Variants in SGCE observed in about 807,000 individuals in gnomAD.
The protein encoded by SGCE is sarcoglycan epsilon, also known as epsilon-sarcoglycan.
A neutral mutation model predicts 57.8 loss-of-function variants in SGCE; 26 were observed. The ratio of observed to expected loss-of-function variants is 0.45; its 90% CI spans 0.33 to 0.62. SGCE has a LOEUF of 0.62. Ranked by LOEUF, SGCE falls within the 20% of genes least tolerant of loss-of-function variation. The probability of loss-of-function intolerance (pLI) is 0.02; values close to 1 mark genes in which losing one functional copy is unlikely to be tolerated. For missense variants in SGCE, 468 were observed against 548.6 expected, an observed-to-expected ratio of 0.85 and a Z score of 1.47; for synonymous variants, 183 against 189.5, an observed-to-expected ratio of 0.97 and a Z score of 0.28.
At chr7:94,653,908 C>T (rs1411735453) in intron 1 of SGCE, among the ~76,000 whole-genome samples, 1 of 151,794 alleles carries the variant, frequency 6.6e-6, no homozygotes, top group Non-Finnish European at 1.5e-5. Flanking sequence ...GAAAGCTCTC[C>T]AAACTTAATG....
At chr7:94,643,144 C>T (rs1316822208) in intron 1 of SGCE, among the ~76,000 whole-genome samples, 1 of 152,158 alleles carries the variant, frequency 6.6e-6, no homozygotes. Context: ...GTTTTATATA[C>T]AAAATTACAC....
chr7:94,647,359 C>T (rs1203027633), intron 1 of SGCE, among the ~76,000 whole-genome samples: 2 of 152,034 alleles, frequency 1.3e-5, no homozygotes, highest in African/African-American at 2.4e-5. Flanking sequence ...TTGGTTTTTA[C>T]CCCCTAAAAT....
At chr7:94,597,994 C>T (rs1350369250) in intron 9 of SGCE, 1 of 163,538 alleles carries the variant, frequency 6.1e-6, no homozygotes, top group South Asian at 1.7e-4. Flanking sequence ...GCAACAGGAG[C>T]GAAACTCCAT....
intron 1 of SGCE, among the ~76,000 whole-genome samples, chr7:94,638,410 AGAGATGTAT>A (rs1252278631): frequency 1.3e-5 from 2 of 152,228 alleles, no homozygotes; most frequent in African/African-American, 4.8e-5. Context: ...GCCCAACTTC[AGAGATGTAT>A]GAAGAAAATG....
chr7:94,597,864 G>A (rs2116660779), intron 9 of SGCE: 1 of 152,356 alleles, frequency 6.6e-6, no homozygotes, highest in African/African-American at 2.4e-5. Flanking sequence ...AAAATTAGCT[G>A]GGCATGGGGG....
At chr7:94,613,437 A>T (rs1304459078) in intron 5 of SGCE, among the ~76,000 whole-genome samples, 1 of 152,208 alleles carries the variant, frequency 6.6e-6, no homozygotes, top group Non-Finnish European at 1.5e-5. Context: ...TCAAATGTGT[A>T]TAAACAGATG....
At chr7:94,617,690 G>C (rs1192356076) in intron 5 of SGCE, 5 of 152,190 alleles carry the variant, frequency 3.3e-5, no homozygotes, top group Admixed American at 3.3e-4. Flanking sequence ...ATGTATGCTT[G>C]ACTGATTTCA....
chr7:94,655,957 C>T (rs1263982486), intron 1 of SGCE, 33 bp downstream of exon 1: 3 of 1,420,058 alleles, frequency 2.1e-6, no homozygotes, highest in Non-Finnish European at 3.0e-6. Context: ...CCTGTTGGCC[C>T]CGGGACCTCC....
intron 4 of SGCE, chr7:94,621,221 A>G (rs546114896): frequency 3.5e-4 from 54 of 152,350 alleles, no homozygotes; most frequent in African/African-American, 1.3e-3. Context: ...CCTACTGCAC[A>G]TATACATTTC....
At chr7:94,594,900 G>A (rs1036473978) in intron 9 of SGCE, among the ~76,000 whole-genome samples, 1 of 152,064 alleles carries the variant, frequency 6.6e-6, no homozygotes, top group Admixed American at 6.6e-5. Flanking sequence ...AGTACAAAAT[G>A]AAACACCTCA....
chr7:94,623,982 A>T, intron 3 of SGCE: 1 of 386,188 alleles, frequency 2.6e-6, no homozygotes, highest in Non-Finnish European at 4.6e-6. Context: ...CAATCCCTTC[A>T]TACGGGCAAA....
At chr7:94,588,306 C>T (rs1323091112) in intron 10 of SGCE, 5 of 1,068,898 alleles carry the variant, frequency 4.7e-6, no homozygotes, top group South Asian at 3.2e-5. Context: ...CAATGGTTTC[C>T]TTTTGTAAGA....
chr7:94,631,818 C>T (rs890358175), intron 1 of SGCE, among the ~76,000 whole-genome samples: 4 of 151,920 alleles, frequency 2.6e-5, no homozygotes, highest in African/African-American at 4.8e-5. Flanking sequence ...AGGATCACAA[C>T]CCTACATCCA....
At chr7:94,651,401 A>G (rs1334783723) in intron 1 of SGCE, among the ~76,000 whole-genome samples, 1 of 152,172 alleles carries the variant, frequency 6.6e-6, no homozygotes, top group East Asian at 1.9e-4. Flanking sequence ...AAGGCTTATG[A>G]TCCTTAACCA....
At chr7:94,639,636 G>A (rs28507629) in intron 1 of SGCE, among the ~76,000 whole-genome samples, 12,572 of 152,096 alleles carry the variant, frequency 0.083, 583 homozygotes, top group East Asian at 0.17. Flanking sequence ...AGACAACCAA[G>A]GCATAGTTCC....
rs943586002 is a variant in SGCE at position 94,602,586 on chromosome 7, G to GA, written c.825+703dup. 9.9e-4 allele frequency among the ~76,000 whole-genome samples: 139 copies of GA among 140,778 alleles called. 1 individual carries two copies. In the Middle Eastern group the frequency reaches 0.015, roughly 15 times the overall value. The allele number at this position is 140,778 out of a possible 152,430, so 92.4% of individuals were successfully genotyped here. A position where few individuals can be genotyped will look rare whatever the true frequency, so the allele number is the denominator to read the frequency against. The stretch of plus-strand genomic sequence containing the variant: ...TCAGTTGGATACATTAATATGAAAA[G>GA]AAAAAAAAAACAAAGAATTGAAACA... On this transcript the variant is annotated intron_variant, in intron 6 of 10. Coordinates refer to ENST00000648936, the MANE Select transcript of SGCE (RefSeq NM_003919.3).
intron 9 of SGCE, among the ~76,000 whole-genome samples, chr7:94,595,753 A>G (rs1050931846): frequency 7.9e-5 from 12 of 152,136 alleles, no homozygotes; most frequent in Non-Finnish European, 1.8e-4. Flanking sequence ...GATGAACCCC[A>G]TACAATAAAT....
At chr7:94,616,992 A>T (rs2116866963) in intron 5 of SGCE, 1 of 152,320 alleles carries the variant, frequency 6.6e-6, no homozygotes, top group Admixed American at 6.5e-5. Flanking sequence ...GATTCTCTCA[A>T]ATATCTGACG....
At chr7:94,652,814 G>T (rs901838950) in intron 1 of SGCE, among the ~76,000 whole-genome samples, 2 of 152,060 alleles carry the variant, frequency 1.3e-5, no homozygotes, top group Non-Finnish European at 2.9e-5. Flanking sequence ...TAAATTTTCC[G>T]TACCATACCA....
Sources: allele counts gnomAD v4.1 joint callset (sites outside exome capture counted in the v4.1 genomes callset), GRCh38; gene constraint gnomAD v4.1.1; transcripts MANE v1.5; gene names NCBI Gene and HGNC (gene_info 2026-07-23, HGNC 2026-07-21).